Variants in PDE4D observed in about 807,000 individuals in gnomAD.
PDE4D encodes the protein phosphodiesterase 4D, also known as 3',5'-cyclic-AMP phosphodiesterase 4D.
A neutral mutation model predicts 87.4 loss-of-function variants in PDE4D; 24 were observed. The observed-to-expected ratio is 0.27, with a 90% CI of 0.20 to 0.39. The LOEUF (loss-of-function observed/expected upper bound fraction) is 0.39. Ranked by LOEUF, PDE4D falls within the 10% of genes least tolerant of loss-of-function variation. The pLI, the probability that PDE4D is intolerant of heterozygous loss-of-function variation, is 1.00. For missense variants in PDE4D, 714 were observed against 1,041.0 expected (o/e 0.69, Z 4.32); for synonymous variants, 384 against 383.2 (o/e 1.00, Z -0.02).
intron 1 of PDE4D, among the ~76,000 whole-genome samples, chr5:60,484,604 C>T (rs770895221): frequency 4.6e-5 from 7 of 152,078 alleles, no homozygotes; most frequent in South Asian, 2.1e-4. Context: ...GTAAACCTAT[C>T]GGTATTTTTA....
chr5:59,893,533 C>A lies in PDE4D; in HGVS notation c.90G>T (p.Lys30Asn). The A allele has an allele frequency of 1.3e-6, 2 of 1,541,120 alleles. No homozygotes were observed. The highest frequency in any genetic ancestry group is 2.4e-5 in the South Asian group (2 of 82,854). Residue 30 changes from lysine to asparagine, a missense_variant, in exon 1 of 15, where the codon AAG becomes AAT. By Grantham distance (94) the Lys-to-Asn change is moderately conservative. Coordinates refer to ENST00000340635, the MANE Select transcript of PDE4D (RefSeq NM_001104631.2). ...GGTGCTGCTCGTGCCTCCAGAGATG[C>A]TTGGGGGCTTTGAGCGTGGCCCCGC... ...SAGGATLKAP[K>N]HLWRHEQHHQ...
chr5:60,164,109 TA>T (rs1562171400), intron 2 of PDE4D, among the ~76,000 whole-genome samples: 1 of 152,204 alleles, frequency 6.6e-6, no homozygotes, highest in Non-Finnish European at 1.5e-5. Context: ...CTCTCTTTTA[TA>T]ACACTTTGTT....
chr5:59,695,233 T>G (rs983921422), intron 1 of PDE4D, among the ~76,000 whole-genome samples: 1 of 151,918 alleles, frequency 6.6e-6, no homozygotes, highest in African/African-American at 2.4e-5. Context: ...GGAGCATTTA[T>G]TCCAGTGTGA....
chr5:59,545,097 C>T (rs1817039431), intron 1 of PDE4D, among the ~76,000 whole-genome samples: 1 of 152,142 alleles, frequency 6.6e-6, no homozygotes, highest in Admixed American at 6.5e-5. Context: ...CAAAATATAA[C>T]TATGCCCTAG....
chr5:59,675,159 C>G (rs1747855576), intron 1 of PDE4D, among the ~76,000 whole-genome samples: 1 of 152,162 alleles, frequency 6.6e-6, no homozygotes, highest in East Asian at 1.9e-4. Context: ...ATTTCTCCTT[C>G]TCTAGTATTG....
At chr5:60,353,549 T>C (rs2068068188) in intron 1 of PDE4D, among the ~76,000 whole-genome samples, 1 of 152,184 alleles carries the variant, frequency 6.6e-6, no homozygotes, top group Non-Finnish European at 1.5e-5. Context: ...TCTGAACTCA[T>C]GTCAACTAAA....
chr5:59,013,035 G>C (rs1753156015), intron 6 of PDE4D, among the ~76,000 whole-genome samples: 1 of 152,180 alleles, frequency 6.6e-6, no homozygotes, highest in Non-Finnish European at 1.5e-5. Flanking sequence ...TGAACAACCT[G>C]CTCCTGAATG....
chr5:59,337,323 TCC>T (rs765153967), intron 1 of PDE4D, among the ~76,000 whole-genome samples: 3 of 122,486 alleles, frequency 2.4e-5, no homozygotes, highest in Non-Finnish European at 3.4e-5. Flanking sequence ...ATTCATAAGT[TCC>T]CCCCCCCCCA....
At chr5:60,053,744 C>T (rs911052724) in intron 2 of PDE4D, among the ~76,000 whole-genome samples, 3 of 152,108 alleles carry the variant, frequency 2.0e-5, no homozygotes, top group Admixed American at 6.5e-5. Context: ...TCAGAGTGAA[C>T]AGGCAAACTA....
At chr5:59,032,149 C>T (rs558624588) in intron 6 of PDE4D, among the ~76,000 whole-genome samples, 23 of 152,206 alleles carry the variant, frequency 1.5e-4, no homozygotes, top group African/African-American at 5.1e-4. Context: ...ATTAGCTTTA[C>T]TAAATCTTTC....
At chr5:60,067,980 C>G (rs1772291735) in intron 2 of PDE4D, among the ~76,000 whole-genome samples, 1 of 152,166 alleles carries the variant, frequency 6.6e-6, no homozygotes, top group Non-Finnish European at 1.5e-5. Flanking sequence ...TCAATAGACA[C>G]TTAAGTTGTT....
intron 1 of PDE4D, among the ~76,000 whole-genome samples, chr5:59,269,190 C>T (rs1293867598): frequency 6.6e-6 from 1 of 151,918 alleles, no homozygotes; most frequent in Non-Finnish European, 1.5e-5. Flanking sequence ...GGGTGGAGAA[C>T]CCCATTTTGA....
intron 1 of PDE4D, among the ~76,000 whole-genome samples, chr5:59,271,926 C>A (rs1228416513): frequency 6.6e-6 from 1 of 150,460 alleles, no homozygotes; most frequent in East Asian, 1.9e-4. Context: ...TTTTTTTTTA[C>A]TCCTAAAAAA....
intron 2 of PDE4D, among the ~76,000 whole-genome samples, chr5:60,033,233 A>C (rs1480328261): frequency 6.6e-6 from 1 of 152,154 alleles, no homozygotes; most frequent in Non-Finnish European, 1.5e-5. Context: ...TTTCAATGTC[A>C]ATATTCTACC....
intron 5 of PDE4D, among the ~76,000 whole-genome samples, chr5:59,105,285 A>T (rs189374025): frequency 2.6e-5 from 4 of 152,218 alleles, no homozygotes; most frequent in African/African-American, 9.6e-5. Flanking sequence ...AATTTTTCCA[A>T]TGTAATTCAG....
chr5:59,051,229 A>G (rs1419049136), intron 5 of PDE4D, among the ~76,000 whole-genome samples: 1 of 152,188 alleles, frequency 6.6e-6, no homozygotes, highest in Admixed American at 6.5e-5. Context: ...AAAAGTAGCC[A>G]GGTGTGTGTG....
intron 1 of PDE4D, among the ~76,000 whole-genome samples, chr5:59,279,190 G>C (rs2153546380): frequency 6.6e-6 from 1 of 152,042 alleles, no homozygotes; most frequent in East Asian, 1.9e-4. Flanking sequence ...TAAATATTCA[G>C]GCCTCTCAAA....
chr5:60,309,251 G>A (rs1178972323), intron 1 of PDE4D, among the ~76,000 whole-genome samples: 2 of 152,014 alleles, frequency 1.3e-5, no homozygotes, highest in Non-Finnish European at 2.9e-5. Flanking sequence ...GAGGGGAGGA[G>A]CTGCAACAGG....
intron 3 of PDE4D, among the ~76,000 whole-genome samples, chr5:59,979,351 T>C (rs1761667383): frequency 8.9e-6 from 1 of 112,402 alleles, no homozygotes; most frequent in Non-Finnish European, 2.0e-5. Context: ...TTATATATTA[T>C]AAATTACATA....
Sources: allele counts gnomAD v4.1 joint callset (sites outside exome capture counted in the v4.1 genomes callset), GRCh38; gene constraint gnomAD v4.1.1; transcripts MANE v1.5; gene names NCBI Gene and HGNC (gene_info 2026-07-23, HGNC 2026-07-21).